The following CRNKL1 variants were observed in gnomAD, a reference collection of about 807,000 sequenced individuals.
CRNKL1 encodes the protein crooked neck pre-mRNA splicing factor 1.
A neutral mutation model predicts 103.7 loss-of-function variants in CRNKL1; 35 were observed. The observed-to-expected ratio is 0.34, with a 90% confidence interval of 0.26 to 0.45. CRNKL1 has a LOEUF of 0.45. Ranked by LOEUF, CRNKL1 falls within the 20% of genes least tolerant of loss-of-function variation. The probability of loss-of-function intolerance (pLI) is 1.00; values close to 1 mark genes in which losing one functional copy is unlikely to be tolerated. For missense variants in CRNKL1, 645 were observed against 836.0 expected (o/e 0.77, Z 2.82); for synonymous variants, 267 against 282.6 (o/e 0.94, Z 0.55).
intron 6 of CRNKL1, among the ~76,000 whole-genome samples, 174 bp from the exon 7 acceptor site, chr20:20,043,836 G>A (rs899821417): frequency 6.6e-6 from 1 of 152,004 alleles, no homozygotes; most frequent in Non-Finnish European, 1.5e-5. Context: ...AGGATGGACC[G>A]GTACTCTGCT....
At chr20:20,051,532 T>C (rs2043732231) in intron 1 of CRNKL1, among the ~76,000 whole-genome samples, 1 of 152,238 alleles carries the variant, frequency 6.6e-6, no homozygotes, top group Non-Finnish European at 1.5e-5. Flanking sequence ...TGATAGCTCA[T>C]ATTTAATAAG....
chr20:20,054,438 T>C (rs763230926), upstream of CRNKL1, among the ~76,000 whole-genome samples: 9 of 151,640 alleles, frequency 5.9e-5, no homozygotes, highest in Admixed American at 1.3e-4. Flanking sequence ...CATACACATA[T>C]ACACACACAC....
At position 20,042,411 on chromosome 20, in the gene CRNKL1, C is replaced by G. The variant is rs757665657; in HGVS notation, c.1078G>C (p.Val360Leu). 60 of 1,614,054 alleles carry G rather than the reference C, an allele frequency of 3.7e-5. 1 individual carries two copies. Among genetic ancestry groups the G allele is most frequent in the Admixed American group, 1.3e-4 (8 of 60,012 alleles). The change falls in exon 8 of 14, where the codon GTC becomes CTC. Residue 360 changes from valine (V) to leucine (L), a missense_variant. By Grantham distance (32) the Val-to-Leu change is conservative (BLOSUM62 1). Around this residue, in one of 2 missense-constraint regions of CRNKL1, gnomAD observed 582 missense variants for 707.7 expected, o/e 0.82. Coordinates refer to ENST00000536226, the MANE Select transcript of CRNKL1 (RefSeq NM_001278628.2). ...TGCCTCTTCTCCTGAATGGGTGGGA[C>G]ATTGGCAATGGCCCTTTCATAGACT... ...REVYERAIAN[V>L]PPIQEKRHWK... is the part of the protein sequence containing the mutation.
In CRNKL1 at chr20:20,042,477, G is replaced by A. The variant is rs577483196; in HGVS notation, c.1012C>T (p.Arg338Cys). Reference protein sequence around the residue: ...HNYDAWFDYLRLVESDAEAEA... With the variant: ...HNYDAWFDYLCLVESDAEAEA... ...GCTTCTGCGTCACTTTCTACCAAGC[G>A]CAAGTAATCAAACCATGCATCATAA... Residue 338 changes from arginine (R) to cysteine (C), a missense_variant, in exon 8 of 14, where the codon CGC becomes TGC. Coordinates refer to ENST00000536226, the MANE Select transcript of CRNKL1 (RefSeq NM_001278628.2). 6.8e-6 allele frequency: 11 copies of A among 1,613,816 alleles called. No homozygotes were observed. The highest frequency in any genetic ancestry group is 4.4e-5 in the South Asian group (4 of 91,034).
Position 20,042,403 on chromosome 20 carries a change from G to A in CRNKL1, c.1086C>T (p.Pro362=), listed in dbSNP as rs759306938. ...VYERAIANVP[P]IQEKRHWKRY... is the part of the protein sequence containing the mutation. ...GCTTCCAGTGCCTCTTCTCCTGAAT[G>A]GGTGGGACATTGGCAATGGCCCTTT... Residue 362 remains proline, a synonymous_variant, in exon 8 of 14, where the codon CCC becomes CCT. Coordinates refer to ENST00000536226, the MANE Select transcript of CRNKL1 (RefSeq NM_001278628.2). The A allele has an allele frequency of 5.6e-5, 91 of 1,614,030 alleles. 1 individual carries two copies. In the East Asian group the frequency reaches 2.0e-3, roughly 35 times the overall value.
rs777171496 is a variant in CRNKL1, at chr20:20,049,324, C to A, written c.296+16G>T. 7 of 1,340,706 alleles carry A rather than the reference C, an allele frequency of 5.2e-6. No homozygotes were observed. Among genetic ancestry groups the A allele is most frequent in the Non-Finnish European group, 7.4e-6 (7 of 943,960 alleles). The allele number at this position is 1,340,706 out of a possible 1,614,324, so 83.1% of individuals were successfully genotyped here. A position where few individuals can be genotyped will look rare whatever the true frequency, so the allele number is the denominator to read the frequency against. ...ATGAATCATTATATACAAAACTACACTCTCAGTAATTTTACCTTTGAATCT... is the reference window on the plus strand; with the variant it reads ...ATGAATCATTATATACAAAACTACAATCTCAGTAATTTTACCTTTGAATCT... On this transcript the variant is annotated intron_variant, in intron 3 of 13. Coordinates refer to ENST00000536226, the MANE Select transcript of CRNKL1 (RefSeq NM_001278628.2).
chr20:20,038,174 TAACATTCCA>T (rs897750746), intron 12 of CRNKL1, among the ~76,000 whole-genome samples, 166 bp downstream of exon 12: 1 of 150,878 alleles, frequency 6.6e-6, no homozygotes, highest in Non-Finnish European at 1.5e-5. Context: ...GGTATAAACT[TAACATTCCA>T]AACATTCCAA....
chr20:20,037,250 G>A (rs1246654113), intron 13 of CRNKL1, 73 bp downstream of exon 13: 3 of 1,530,252 alleles, frequency 2.0e-6, no homozygotes, highest in Admixed American at 4.0e-5. Flanking sequence ...CCACTTAAAA[G>A]TCCACATTTC....
chr20:20,041,496 T>C (rs970103983), intron 9 of CRNKL1, 70 bp downstream of exon 9: 17 of 1,194,128 alleles, frequency 1.4e-5, no homozygotes, highest in South Asian at 1.3e-4. Context: ...ATTATTTCAC[T>C]GAATTACTTC....
chr20:20,038,306 C>T (rs769977808), intron 12 of CRNKL1, 43 bp downstream of exon 12: 1 of 1,216,684 alleles, frequency 8.2e-7, no homozygotes, highest in African/African-American at 1.5e-5. Flanking sequence ...TTCTGGACTG[C>T]TGATTCAAGC....
Position 20,042,315 on chromosome 20 carries a change from G to A in CRNKL1, c.1164+10C>T. The A allele has an allele frequency of 6.3e-7, 1 of 1,581,816 alleles. No individual in the cohort carries two copies. The highest frequency in any genetic ancestry group is 8.6e-7 in the Non-Finnish European group (1 of 1,163,758). ...CCATTATCAGCTGACACATAATTCT[G>A]TTTTTTCACCTTTGCCTCCAATTCT... is the stretch of plus-strand genomic sequence containing the variant. On this transcript the variant is annotated intron_variant, in intron 8 of 13. Coordinates refer to ENST00000536226, the MANE Select transcript of CRNKL1 (RefSeq NM_001278628.2).
intron 5 of CRNKL1, among the ~76,000 whole-genome samples, chr20:20,047,233 C>T (rs1273106347): frequency 2.0e-5 from 3 of 152,168 alleles, no homozygotes; most frequent in African/African-American, 7.2e-5. Context: ...TGGATTCAAC[C>T]AACCTGAGAT....
chr20:20,054,703 A>G (rs1240435380), upstream of CRNKL1, among the ~76,000 whole-genome samples: 1 of 152,186 alleles, frequency 6.6e-6, no homozygotes, highest in Non-Finnish European at 1.5e-5. Context: ...GAAGTTTGCT[A>G]ACCCCCGTGC....
At chr20:20,048,965 T>C (rs1415262449) in intron 3 of CRNKL1, among the ~76,000 whole-genome samples, 2 of 152,004 alleles carry the variant, frequency 1.3e-5, no homozygotes, top group African/African-American at 2.4e-5. Context: ...GCGGGGAGAA[T>C]GCAGAAAGCT....
chr20:20,056,013 A>G, upstream of CRNKL1: 1 of 1,606,222 alleles, frequency 6.2e-7, no homozygotes, highest in South Asian at 1.1e-5. Flanking sequence ...TGTTGCCGTC[A>G]TTAGAGATTC....
chr20:20,050,542 A>C lies in CRNKL1; in HGVS notation c.132T>G (p.Leu44=), dbSNP rs376593275. 437 of 1,613,862 alleles carry C rather than the reference A, an allele frequency of 2.7e-4. No homozygotes were observed. The highest frequency in any genetic ancestry group is 3.5e-4 in the Non-Finnish European group (418 of 1,179,884). The change falls in exon 2 of 14, where the codon CTT becomes CTG. Residue 44 remains leucine (L), a synonymous_variant. Coordinates refer to ENST00000536226, the MANE Select transcript of CRNKL1 (RefSeq NM_001278628.2). ...TCTTCTGTTGAGGTGGAGGTGGAAG[A>C]AGCTCAAGTTCTCTTTCTTTAGCCT... ...LREAKERELE[L]LPPPPQQKIT...
intron 1 of CRNKL1, 22 bp from the exon 2 acceptor site, chr20:20,050,644 C>G: frequency 6.3e-7 from 1 of 1,581,778 alleles, no homozygotes. Flanking sequence ...GAAGACATTT[C>G]TATTTTTAGT....
In CRNKL1 at chr20:20,036,331, T is replaced by C. The variant is rs1331609532; in HGVS notation, c.1928A>G (p.Tyr643Cys). 5.0e-6 allele frequency: 8 copies of C among 1,614,152 alleles called. No homozygotes were observed. The highest frequency in any genetic ancestry group is 6.8e-6 in the Non-Finnish European group (8 of 1,180,010). The change falls in exon 14 of 14, where the codon TAC becomes TGC. Residue 643 changes from tyrosine to cysteine, a missense_variant. Tyr to Cys is a radical substitution (Grantham distance 194). This residue lies in a region of CRNKL1 where 582 missense variants were observed against 707.7 expected (regional missense o/e 0.82). Coordinates refer to ENST00000536226, the MANE Select transcript of CRNKL1 (RefSeq NM_001278628.2). ...SDAGWEEYFD[Y>C]IFPEDAANQP... ...GTTGGCAGCATCTTCTGGAAAGATGTAATCAAAGTATTCTTCCCAGCCTGC... is the reference window on the plus strand; with the variant it reads ...GTTGGCAGCATCTTCTGGAAAGATGCAATCAAAGTATTCTTCCCAGCCTGC...
chr20:20,040,631 T>G, intron 10 of CRNKL1, 55 bp downstream of exon 10: 1 of 1,352,346 alleles, frequency 7.4e-7, no homozygotes, highest in South Asian at 1.2e-5. Context: ...GCACCAAGAT[T>G]TTAATTTCTT....
Sources: gnomAD v4.1 joint callset for allele counts (sites outside exome capture counted in the v4.1 genomes callset) on GRCh38, gnomAD v4.1.1 for gene constraint, gnomAD v4.1.1 regional missense constraint, MANE v1.5 for transcripts, NCBI Gene and HGNC (gene_info 2026-07-23, HGNC 2026-07-21) for gene names.